The following CACNA1E variants were observed in gnomAD, a reference collection of about 807,000 sequenced individuals.
CACNA1E encodes the protein voltage-dependent R-type calcium channel subunit alpha-1E.
In CACNA1E, 40 loss-of-function variants were observed where a neutral mutation model predicts 259.2. The ratio of observed to expected loss-of-function variants is 0.15; its 90% confidence interval spans 0.12 to 0.20. CACNA1E has a LOEUF of 0.20. CACNA1E is among the 10% of genes least tolerant of loss of function. The pLI is 1.00. For synonymous variants in CACNA1E, 1,104 were observed against 1,138.5 expected, an observed-to-expected ratio of 0.97 and a Z score of 0.61; for missense variants, 1,874 against 3,040.1, an observed-to-expected ratio of 0.62 and a Z score of 9.02.
intron 12 of CACNA1E, 148 bp downstream of exon 12, chr1:181,718,315 A>G (rs1654094700): frequency 1.7e-6 from 1 of 577,774 alleles, no homozygotes; most frequent in South Asian, 2.2e-5. Context: ...GGAATTCAGA[A>G]GCGAGTGAAT....
chr1:181,393,271 G>T (rs1656425415), intron 1 of CACNA1E, among the ~76,000 whole-genome samples: 1 of 152,174 alleles, frequency 6.6e-6, no homozygotes, highest in Non-Finnish European at 1.5e-5. Context: ...TTCCTCATCT[G>T]TAAGATGGGG....
At chr1:181,478,045 T>C (rs976926540) in intron 2 of CACNA1E, among the ~76,000 whole-genome samples, 5 of 152,222 alleles carry the variant, frequency 3.3e-5, no homozygotes, top group Non-Finnish European at 7.3e-5. Context: ...TCACATATTG[T>C]GAAGAATCCT....
chr1:181,790,398 T>A, intron 43 of CACNA1E, 47 bp from the exon 44 acceptor site: 1 of 1,244,466 alleles, frequency 8.0e-7, no homozygotes, highest in Non-Finnish European at 1.2e-6. Context: ...GAATTGCTAG[T>A]GGCATGACTG....
intron 7 of CACNA1E, among the ~76,000 whole-genome samples, chr1:181,671,935 T>C (rs1390493002): frequency 6.6e-6 from 1 of 152,138 alleles, no homozygotes; most frequent in Non-Finnish European, 1.5e-5. Context: ...CACATGCATG[T>C]GAATGTTCAC....
chr1:181,448,540 G>A (rs569700117), intron 2 of CACNA1E, among the ~76,000 whole-genome samples: 2 of 152,202 alleles, frequency 1.3e-5, no homozygotes, highest in African/African-American at 2.4e-5. Flanking sequence ...TTATTTAAAT[G>A]TATGTGTTTC....
chr1:181,642,001 C>T (rs577052640), intron 6 of CACNA1E, among the ~76,000 whole-genome samples: 133 of 152,068 alleles, frequency 8.7e-4, no homozygotes, highest in African/African-American at 2.4e-3. Context: ...CGTGAGCCAC[C>T]GCGCCTGGCC....
intron 7 of CACNA1E, among the ~76,000 whole-genome samples, chr1:181,671,755 G>A (rs570030012): frequency 7.2e-5 from 11 of 152,144 alleles, no homozygotes; most frequent in East Asian, 5.8e-4. Flanking sequence ...AACAAAAACC[G>A]GAGCAATAGG....
At chr1:181,658,034 G>A (rs1186440938) in intron 7 of CACNA1E, among the ~76,000 whole-genome samples, 1 of 152,158 alleles carries the variant, frequency 6.6e-6, no homozygotes, top group Non-Finnish European at 1.5e-5. Context: ...TGTCATGTTT[G>A]TGTAATCTTA....
rs1045518439 is a variant in CACNA1E, at chr1:181,609,559, G to A, written c.951+28783G>A. Among the ~76,000 whole-genome samples, 19 of 152,270 alleles carry A rather than the reference G, an allele frequency of 1.2e-4. No homozygotes were observed. In the East Asian group the frequency reaches 2.7e-3, roughly 22 times the overall value. On this transcript the variant is annotated intron_variant, in intron 6 of 47. Transcript: ENST00000367573. The stretch of plus-strand genomic sequence containing the variant: ...AAAGAACAGAGTGAAAAGGCACACC[G>A]GTTTCAGTGTGGCAGAAGGAGCTCA...
intron 3 of CACNA1E, among the ~76,000 whole-genome samples, chr1:181,551,948 G>T (rs770393442): frequency 6.6e-6 from 1 of 151,542 alleles, no homozygotes; most frequent in Non-Finnish European, 1.5e-5. Context: ...CTTCTAATTT[G>T]ATTCACTGAC....
rs1312920237 is a variant in CACNA1E, at chr1:181,804,972, G to A, written c.*6138G>A. 6.7e-6 allele frequency: 1 copy of A among 149,016 alleles called. No homozygotes were observed. Among genetic ancestry groups the A allele is most frequent in the Non-Finnish European group, 1.5e-5 (1 of 67,400 alleles). 9.2% of individuals were successfully genotyped at this position (149,016 alleles called of 1,614,324 possible). Reference sequence around the variant, plus strand: ...TTTTTTTTTCTATCCAGAAAGTTGGGTTTTCATGATCTGAGCTTCCTTATG... The same window carrying A: ...TTTTTTTTTCTATCCAGAAAGTTGGATTTTCATGATCTGAGCTTCCTTATG... On this transcript the variant is annotated 3_prime_UTR_variant, in exon 48 of 48. Coordinates refer to ENST00000367573, the MANE Select transcript of CACNA1E (RefSeq NM_001205293.3).
At chr1:181,686,390 G>A (rs998707835) in intron 7 of CACNA1E, among the ~76,000 whole-genome samples, 4 of 141,768 alleles carry the variant, frequency 2.8e-5, no homozygotes, top group Admixed American at 1.6e-4. Context: ...GGGTTCAAGC[G>A]ATTCTCCTGC....
intron 6 of CACNA1E, among the ~76,000 whole-genome samples, chr1:181,589,983 G>A (rs912899445): frequency 2.6e-5 from 4 of 152,152 alleles, no homozygotes; most frequent in Admixed American, 6.5e-5. Flanking sequence ...GGAAGGGTTG[G>A]ATGTACTAAC....
At chr1:181,659,981 C>T (rs1647469647) in intron 7 of CACNA1E, among the ~76,000 whole-genome samples, 1 of 152,118 alleles carries the variant, frequency 6.6e-6, no homozygotes, top group Non-Finnish European at 1.5e-5. Flanking sequence ...TCATCTTGAC[C>T]ATATAGATTT....
intron 3 of CACNA1E, among the ~76,000 whole-genome samples, chr1:181,523,267 C>T (rs1324940364): frequency 3.3e-5 from 5 of 152,208 alleles, no homozygotes; most frequent in Non-Finnish European, 5.9e-5. Context: ...CCAGCTGTGA[C>T]TGGTCTGAAC....
In CACNA1E at chr1:181,733,703, T is replaced by G; in HGVS notation, c.3215T>G (p.Val1072Gly). 1 of 1,591,536 alleles carries G rather than the reference T, an allele frequency of 6.3e-7. No individual in the cohort carries two copies. The highest frequency in any genetic ancestry group is 2.3e-5 in the East Asian group (1 of 43,718). ...KATTESTSVTVAIPDVDPLVD... is the reference protein window; with the variant it reads ...KATTESTSVTGAIPDVDPLVD... Reference sequence around the variant, plus strand: ...ACCACCGAGAGCACCAGCGTCACCGTCGCCATCCCCGACGTGGACCCCTTG... The same window carrying G: ...ACCACCGAGAGCACCAGCGTCACCGGCGCCATCCCCGACGTGGACCCCTTG... The change falls in exon 21 of 48, where the codon GTC (valine) becomes GGC (glycine). Residue 1072 changes from valine to glycine, a missense_variant. By Grantham distance (109) the Val-to-Gly change is moderately radical (BLOSUM62 -3). Coordinates refer to ENST00000367573, the MANE Select transcript of CACNA1E (RefSeq NM_001205293.3).
chr1:181,362,006 G>A (rs1653916922), intron 1 of CACNA1E, among the ~76,000 whole-genome samples: 1 of 152,222 alleles, frequency 6.6e-6, no homozygotes, highest in Non-Finnish European at 1.5e-5. Flanking sequence ...GCAGTCTTGA[G>A]CTAGTCATTT....
At position 181,806,381 on chromosome 1, in the gene CACNA1E, T is replaced by C. The variant is rs1662626559; in HGVS notation, c.*7547T>C. ...TCCTTCGGGGCCCATGGTCAGGCCA[T>C]TCCCTCTTTGTTTTGCTCCTAGAGG... On this transcript the variant is annotated 3_prime_UTR_variant, in exon 48 of 48. Transcript: ENST00000367573. 1.3e-5 allele frequency: 2 copies of C among 152,360 alleles called. No homozygotes were observed. Among genetic ancestry groups the C allele is most frequent in the African/African-American group, 2.4e-5 (1 of 41,592 alleles). The allele number at this position is 152,360 out of a possible 1,614,324, so 9.4% of individuals were successfully genotyped here. A position where few individuals can be genotyped will look rare whatever the true frequency, so the allele number is the denominator to read the frequency against.
rs558589181 is a variant in CACNA1E, at chr1:181,603,566, C to T, written c.951+22790C>T. Among the ~76,000 whole-genome samples, 6 of 151,880 alleles carry T rather than the reference C, an allele frequency of 4.0e-5. No homozygotes were observed. The South Asian group carries it at 6.3e-4, about 16-fold the overall frequency. On this transcript the variant is annotated intron_variant, in intron 6 of 47. Transcript: ENST00000367573. ...GAAAAGCAACCCCCTCCCCCGCCCCCGCCAACACCCCAACACTGCACCTAC... is the reference window on the plus strand; with the variant it reads ...GAAAAGCAACCCCCTCCCCCGCCCCTGCCAACACCCCAACACTGCACCTAC...
Sources: allele counts gnomAD v4.1 joint callset (sites outside exome capture counted in the v4.1 genomes callset), GRCh38; gene constraint gnomAD v4.1.1; transcripts MANE v1.5; gene names NCBI Gene and HGNC (gene_info 2026-07-23, HGNC 2026-07-21).